CNTNAP2: variants seen among roughly 807,000 people sequenced by gnomAD.
The protein encoded by CNTNAP2 is contactin associated protein 2, also known as contactin-associated protein-like 2.
A neutral mutation model predicts 155.2 loss-of-function variants in CNTNAP2; 98 were observed. The ratio of observed to expected loss-of-function variants is 0.63; its 90% CI spans 0.54 to 0.75. The LOEUF (loss-of-function observed/expected upper bound fraction) is 0.75. CNTNAP2 is among the 30% of genes least tolerant of loss of function. CNTNAP2 has a pLI of 0.00. For missense variants in CNTNAP2, 1,727 were observed against 1,688.1 expected, an observed-to-expected ratio of 1.02 and a Z score of -0.40; for synonymous variants, 651 against 631.2, an observed-to-expected ratio of 1.03 and a Z score of -0.47.
chr7:146,972,399 T>C (rs1584758598), intron 3 of CNTNAP2, among the ~76,000 whole-genome samples: 1 of 152,304 alleles, frequency 6.6e-6, no homozygotes, highest in African/African-American at 2.4e-5. Context: ...AATTTTTAAA[T>C]TTCAAAATTT....
chr7:147,270,074 TAAAAAG>T (rs981470927), intron 8 of CNTNAP2, among the ~76,000 whole-genome samples: 3 of 151,848 alleles, frequency 2.0e-5, no homozygotes, highest in Admixed American at 6.6e-5. Context: ...AAAAAAAAAT[TAAAAAG>T]AAGAATGAAA....
chr7:147,493,751 A>G (rs1366859053), intron 11 of CNTNAP2, among the ~76,000 whole-genome samples: 1 of 152,212 alleles, frequency 6.6e-6, no homozygotes, highest in African/African-American at 2.4e-5. Context: ...AAATATGGAT[A>G]CATGTAGACA....
chr7:147,197,039 G>A (rs144454262), intron 8 of CNTNAP2, among the ~76,000 whole-genome samples: 59 of 152,282 alleles, frequency 3.9e-4, no homozygotes, highest in African/African-American at 1.4e-3. Context: ...CAAAAGGACT[G>A]GAGGATACGC....
intron 1 of CNTNAP2, among the ~76,000 whole-genome samples, chr7:146,395,983 G>A (rs1795620968): frequency 1.3e-5 from 2 of 151,944 alleles, no homozygotes; most frequent in Admixed American, 6.6e-5. Context: ...ATCACTTACT[G>A]TACTGTCACA....
intron 10 of CNTNAP2, among the ~76,000 whole-genome samples, chr7:147,452,207 T>C (rs181777583): frequency 1.2e-4 from 18 of 152,334 alleles, no homozygotes; most frequent in African/African-American, 4.3e-4. Context: ...ACTATCTTTA[T>C]ATGAATACAC....
At chr7:146,915,103 C>A (rs1428541564) in intron 3 of CNTNAP2, among the ~76,000 whole-genome samples, 9 of 151,798 alleles carry the variant, frequency 5.9e-5, no homozygotes, top group Non-Finnish European at 8.8e-5. Flanking sequence ...ATTTTTGTTT[C>A]CTTTTTCAAA....
intron 18 of CNTNAP2, among the ~76,000 whole-genome samples, chr7:148,174,245 T>G (rs2116693856): frequency 6.6e-6 from 1 of 152,338 alleles, no homozygotes; most frequent in South Asian, 2.1e-4. Context: ...CCTCCTTGAC[T>G]TGGTAGAATG....
intron 8 of CNTNAP2, among the ~76,000 whole-genome samples, chr7:147,262,745 G>T (rs1334880535): frequency 6.6e-6 from 1 of 152,194 alleles, no homozygotes; most frequent in African/African-American, 2.4e-5. Flanking sequence ...GGCGGAGCTT[G>T]CAGTGAGCCG....
chr7:148,318,170 G>T (rs1193804036), intron 21 of CNTNAP2, among the ~76,000 whole-genome samples: 1 of 152,170 alleles, frequency 6.6e-6, no homozygotes, highest in African/African-American at 2.4e-5. Flanking sequence ...CTAGATCTTA[G>T]AATCAGGAGA....
intron 11 of CNTNAP2, among the ~76,000 whole-genome samples, chr7:147,527,285 A>C (rs1329189785): frequency 3.3e-5 from 5 of 152,024 alleles, no homozygotes; most frequent in African/African-American, 1.2e-4. Flanking sequence ...GGCCTCCCAC[A>C]GTGCTGGGAT....
chr7:147,779,890 C>G lies in CNTNAP2; in HGVS notation c.2099-123675C>G, dbSNP rs185669092. 5.9e-5 allele frequency among the ~76,000 whole-genome samples: 9 copies of G among 152,224 alleles called. No individual in the cohort carries two copies. The East Asian group carries it at 1.7e-3, about 29-fold the overall frequency. On this transcript the variant is annotated intron_variant, in intron 13 of 23. Transcript: ENST00000361727. Reference sequence around the variant, plus strand: ...CACTTTACTTTTGAGAAATGTGAGGCCTCCTTGAAAGCATAATCTATTCCC... The same window carrying G: ...CACTTTACTTTTGAGAAATGTGAGGGCTCCTTGAAAGCATAATCTATTCCC...
chr7:147,486,538 T>C (rs560427650), intron 11 of CNTNAP2, among the ~76,000 whole-genome samples: 5 of 152,064 alleles, frequency 3.3e-5, no homozygotes, highest in African/African-American at 4.8e-5. Flanking sequence ...ATGGAATATC[T>C]AAAAGCCAAT....
chr7:147,569,066 T>A (rs542052110), intron 12 of CNTNAP2, among the ~76,000 whole-genome samples: 3 of 152,196 alleles, frequency 2.0e-5, no homozygotes, highest in Non-Finnish European at 4.4e-5. Context: ...TTTGTAGTTT[T>A]ATCAAAAAGC....
chr7:147,890,399 T>A (rs2116730110), intron 13 of CNTNAP2, among the ~76,000 whole-genome samples: 1 of 152,298 alleles, frequency 6.6e-6, no homozygotes, highest in East Asian at 1.9e-4. Context: ...GGTGGGGATG[T>A]AAATTAGGAC....
intron 3 of CNTNAP2, among the ~76,000 whole-genome samples, chr7:146,953,987 A>G (rs1797380001): frequency 6.6e-6 from 1 of 151,966 alleles, no homozygotes; most frequent in African/African-American, 2.4e-5. Context: ...ATAGCTGTAT[A>G]TAATCAACTA....
At chr7:147,415,014 G>A (rs1264728592) in intron 10 of CNTNAP2, among the ~76,000 whole-genome samples, 1 of 138,672 alleles carries the variant, frequency 7.2e-6, no homozygotes, top group Non-Finnish European at 1.6e-5. Context: ...ATAGAAAACA[G>A]AACCCAAAGA....
chr7:148,004,596 C>A (rs1801943674), intron 15 of CNTNAP2, among the ~76,000 whole-genome samples: 1 of 152,038 alleles, frequency 6.6e-6, no homozygotes, highest in Non-Finnish European at 1.5e-5. Flanking sequence ...CATGTGGAAC[C>A]TTTTCCAGTA....
chr7:146,632,445 A>G (rs1449909387), intron 1 of CNTNAP2, among the ~76,000 whole-genome samples: 1 of 152,136 alleles, frequency 6.6e-6, no homozygotes, highest in Non-Finnish European at 1.5e-5. Flanking sequence ...ATTTTAAAAT[A>G]TCAGATTTTA....
chr7:148,065,196 G>A (rs1803233010), intron 15 of CNTNAP2, among the ~76,000 whole-genome samples: 1 of 152,116 alleles, frequency 6.6e-6, no homozygotes, highest in African/African-American at 2.4e-5. Flanking sequence ...ACTGAGACTT[G>A]TTTTGTGGCC....
Sources: gnomAD v4.1 joint callset for allele counts (sites outside exome capture counted in the v4.1 genomes callset) on GRCh38, gnomAD v4.1.1 for gene constraint, MANE v1.5 for transcripts, NCBI Gene and HGNC (gene_info 2026-07-23, HGNC 2026-07-21) for gene names.